NETO1: variants seen among roughly 807,000 people sequenced by gnomAD.
NETO1 encodes neuropilin and tolloid like 1.
Under a neutral mutation model 61.3 loss-of-function variants are expected in NETO1, and 26 were observed. The ratio of observed to expected loss-of-function variants is 0.42; its 90% confidence interval spans 0.31 to 0.59. NETO1 has a LOEUF of 0.59. Among genes scored for constraint, NETO1 ranks in the 20% least tolerant of loss-of-function variants. NETO1 has a pLI of 0.12. For missense variants in NETO1, 531 were observed against 662.8 expected, an observed-to-expected ratio of 0.80 and a Z score of 2.18; for synonymous variants, 225 against 225.8, an observed-to-expected ratio of 1.00 and a Z score of 0.03.
In NETO1 at chr18:72,830,274, G is replaced by C. The variant is rs1383640020; in HGVS notation, c.469+28552C>G. Among the ~76,000 whole-genome samples the C allele has an allele frequency of 6.6e-6, 1 of 152,072 alleles. No homozygotes were observed. Among genetic ancestry groups the C allele is most frequent in the African/African-American group, 2.4e-5 (1 of 41,426 alleles). On this transcript the variant is annotated intron_variant, in intron 4 of 10. Coordinates refer to ENST00000327305, the MANE Select transcript of NETO1 (RefSeq NM_138966.5). The surrounding 1 kb of genome is among the most constrained non-coding windows in gnomAD (Gnocchi z 4.9). ...GGTGCCGGCTTGCGAGAGTAGGCAT[G>C]GTGCTAACAAAATTGGCAAAGGCTG...
rs141805895 is a variant in NETO1, at chr18:72,844,175, C to T, written c.469+14651G>A. 2.7e-3 allele frequency among the ~76,000 whole-genome samples: 415 copies of T among 152,324 alleles called. 1 individual carries two copies. The highest frequency in any genetic ancestry group is 9.7e-3 in the African/African-American group (402 of 41,580). ...ACCAAATTACTAAGAACAGCAGCCA[C>T]AGTCGTTTCTACTTCTCTTTCTCAA... On this transcript the variant is annotated intron_variant, in intron 4 of 10. Coordinates refer to ENST00000327305, the MANE Select transcript of NETO1 (RefSeq NM_138966.5).
intron 7 of NETO1, among the ~76,000 whole-genome samples, chr18:72,771,576 G>C (rs2071353159): frequency 6.6e-6 from 1 of 152,062 alleles, no homozygotes; most frequent in Non-Finnish European, 1.5e-5. Flanking sequence ...ATATAAATAT[G>C]TATCAAAATG....
chr18:72,828,403 A>G (rs2073458609), intron 4 of NETO1, among the ~76,000 whole-genome samples: 1 of 124,394 alleles, frequency 8.0e-6, no homozygotes, highest in Non-Finnish European at 1.7e-5. Flanking sequence ...TAAATCTTGG[A>G]GTTTGCAATT....
intron 4 of NETO1, among the ~76,000 whole-genome samples, chr18:72,854,790 G>A (rs1398045848): frequency 4.0e-5 from 6 of 149,922 alleles, no homozygotes; most frequent in African/African-American, 1.5e-4. Flanking sequence ...GTTTTTTGAT[G>A]TTAAATAATT....
chr18:72,864,622 T>C (rs2074678504), intron 3 of NETO1, among the ~76,000 whole-genome samples, 186 bp downstream of exon 3: 1 of 152,236 alleles, frequency 6.6e-6, no homozygotes, highest in Non-Finnish European at 1.5e-5. Context: ...CATAACCCAC[T>C]ACTAGTTAAT....
chr18:72,767,348 T>C (rs1042030461), intron 7 of NETO1, among the ~76,000 whole-genome samples: 3 of 152,216 alleles, frequency 2.0e-5, no homozygotes, highest in Non-Finnish European at 4.4e-5. Context: ...CCAATGATTC[T>C]ACTAAAAATT....
intron 4 of NETO1, among the ~76,000 whole-genome samples, chr18:72,838,646 A>T (rs1009520958): frequency 1.3e-5 from 2 of 152,220 alleles, no homozygotes; most frequent in African/African-American, 2.4e-5. Flanking sequence ...ACCCTAAGGC[A>T]TGAACTCTCT....
At chr18:72,753,673 A>G (rs954396340) in intron 8 of NETO1, among the ~76,000 whole-genome samples, 41 of 152,214 alleles carry the variant, frequency 2.7e-4, no homozygotes, top group African/African-American at 9.6e-4. Flanking sequence ...ATTGCAAAGG[A>G]CAGTAGAGTG....
intron 4 of NETO1, among the ~76,000 whole-genome samples, chr18:72,849,165 G>T (rs2074177415): frequency 2.6e-5 from 4 of 152,150 alleles, no homozygotes. Context: ...TCTCATCCAA[G>T]GGGCTTACAT....
At chr18:72,758,327 A>T (rs1221892612) in intron 7 of NETO1, among the ~76,000 whole-genome samples, 1 of 151,498 alleles carries the variant, frequency 6.6e-6, no homozygotes, top group Admixed American at 6.6e-5. Flanking sequence ...ATAATTATGC[A>T]AATATGCCAG....
At chr18:72,817,073 G>T (rs1225721517) in intron 4 of NETO1, among the ~76,000 whole-genome samples, 1 of 152,184 alleles carries the variant, frequency 6.6e-6, no homozygotes, top group Non-Finnish European at 1.5e-5. Flanking sequence ...TTATAGGGAT[G>T]ACAGTTTCCC....
chr18:72,780,398 G>A (rs59988664), intron 7 of NETO1, among the ~76,000 whole-genome samples: 50,737 of 151,874 alleles, frequency 0.33, 8,738 homozygotes, highest in Admixed American at 0.46. Flanking sequence ...CTATTTTTTT[G>A]TAGTCTCAAA....
At chr18:72,766,217 A>T (rs1042105029) in intron 7 of NETO1, among the ~76,000 whole-genome samples, 2 of 74,442 alleles carry the variant, frequency 2.7e-5, no homozygotes, top group African/African-American at 4.5e-5. Flanking sequence ...GAAAAAAAAA[A>T]ATATGTGTGT....
At chr18:72,766,207 GAA>G (rs1272001676) in intron 7 of NETO1, among the ~76,000 whole-genome samples, 1 of 119,150 alleles carries the variant, frequency 8.4e-6, no homozygotes, top group South Asian at 3.1e-4. Context: ...CTCAGTCTCA[GAA>G]AAAAAAAAAT....
intron 1 of NETO1, among the ~76,000 whole-genome samples, chr18:72,866,561 G>T (rs1474837030): frequency 6.6e-6 from 1 of 152,184 alleles, no homozygotes; most frequent in Non-Finnish European, 1.5e-5. Context: ...TATAGACCAC[G>T]TACTGTGTTT....
intron 4 of NETO1, among the ~76,000 whole-genome samples, chr18:72,807,406 T>C (rs1272753960): frequency 6.6e-6 from 1 of 152,226 alleles, no homozygotes; most frequent in Admixed American, 6.5e-5. Flanking sequence ...TAAAGCTTTT[T>C]TGTTCCCTTA....
intron 6 of NETO1, among the ~76,000 whole-genome samples, chr18:72,790,166 C>T (rs999105768): frequency 2.0e-5 from 3 of 151,824 alleles, no homozygotes; most frequent in Non-Finnish European, 2.9e-5. Context: ...ATTAAATTAC[C>T]TTCATTTATG....
At chr18:72,828,575 ATAG>A (rs1286253851) in intron 4 of NETO1, among the ~76,000 whole-genome samples, 1 of 152,258 alleles carries the variant, frequency 6.6e-6, no homozygotes, top group Non-Finnish European at 1.5e-5. Context: ...ATTTAAAGAA[ATAG>A]TAGCTACATT....
intron 1 of NETO1, chr18:72,866,878 G>A (rs1239623217): frequency 1.4e-5 from 12 of 838,582 alleles, no homozygotes; most frequent in African/African-American, 1.8e-5. Flanking sequence ...CGAGCTCCGG[G>A]AGCCCCTAGA....
Sources: allele counts gnomAD v4.1 joint callset (sites outside exome capture counted in the v4.1 genomes callset), GRCh38; gene constraint gnomAD v4.1.1; non-coding constraint Gnocchi (gnomAD v3.1); transcripts MANE v1.5; gene names NCBI Gene and HGNC (gene_info 2026-07-23, HGNC 2026-07-21).